The following RTEL1 variants were observed in gnomAD, a reference collection of about 807,000 sequenced individuals.
RTEL1 encodes regulator of telomere elongation helicase 1.
Under a neutral mutation model 162.2 loss-of-function variants are expected in RTEL1, and 86 were observed. The ratio of observed to expected loss-of-function variants is 0.53; its 90% CI spans 0.45 to 0.63. The LOEUF is 0.63. Ranked by LOEUF, RTEL1 falls within the 30% of genes least tolerant of loss-of-function variation. The probability of loss-of-function intolerance (pLI) is 0.00; values close to 1 mark genes in which losing one functional copy is unlikely to be tolerated. For synonymous variants in RTEL1, 958 were observed against 717.9 expected (o/e 1.33, Z -5.35); for missense variants, 1,941 against 1,750.2 (o/e 1.11, Z -1.95).
intron 12 of RTEL1, among the ~76,000 whole-genome samples, chr20:63,678,870 C>G (rs1451910543): frequency 6.7e-6 from 1 of 148,654 alleles, no homozygotes; most frequent in East Asian, 2.0e-4. Flanking sequence ...CAGACTCTCC[C>G]ACGGAACAGC....
In RTEL1 at chr20:63,685,801, A is replaced by G. The variant is rs2145412405; in HGVS notation, c.1277A>G (p.His426Arg). Residue 426 changes from histidine to arginine, a missense_variant, in exon 16 of 35, where the codon CAT becomes CGT. Transcript: ENST00000360203. Reference sequence around the variant, plus strand: ...TCCTGTCCCCTCCAGGTGCACATCCATCCTGATGCTGGTCACCGGAGGACG... The same window carrying G: ...TCCTGTCCCCTCCAGGTGCACATCCGTCCTGATGCTGGTCACCGGAGGACG... ...GALQSYKVHI[H>R]PDAGHRRTAQ... The G allele has an allele frequency of 6.2e-7, 1 of 1,612,374 alleles. No homozygotes were observed. The highest frequency in any genetic ancestry group is 2.2e-5 in the East Asian group (1 of 44,862).
At position 63,687,928 on chromosome 20, in the gene RTEL1, C is replaced by T. The variant is rs1601163130; in HGVS notation, c.1482-9C>T. ...TTCCCCACTGTCTGCTCCCTCTGGC[C>T]ACGCTCAGCCCTTTCCCAGTCTGCC... On this transcript the variant is annotated splice_polypyrimidine_tract_variant and intron_variant, in intron 17 of 34. Transcript: ENST00000360203. 1.2e-6 allele frequency: 2 copies of T among 1,612,014 alleles called. No homozygotes were observed. Among genetic ancestry groups the T allele is most frequent in the Non-Finnish European group, 8.5e-7 (1 of 1,179,316 alleles).
intron 21 of RTEL1, 25 bp from the exon 22 acceptor site, chr20:63,689,030 T>A (rs1568709792): frequency 1.2e-6 from 2 of 1,601,348 alleles, no homozygotes; most frequent in South Asian, 2.2e-5. Flanking sequence ...GGCTCCAGGC[T>A]CAGCCTCACC....
At chr20:63,693,498 TCCACCACCACCTCCTCCACCACCA>T (rs1601187683) in intron 30 of RTEL1, among the ~76,000 whole-genome samples, 37 of 4,390 alleles carry the variant, frequency 8.4e-3, no homozygotes, top group Admixed American at 0.023. Flanking sequence ...CACCTCCACC[TCCACCACCACCTCCTCCACCACCA>T]CCACCTCCAC....
chr20:63,666,809 C>T lies in RTEL1; in HGVS notation c.615-660C>T, dbSNP rs940518447. On this transcript the variant is annotated intron_variant, in intron 7 of 34. Transcript: ENST00000360203. ...CCTCCCAAAGTGCTGGGATTACAGG[C>T]GTGAGACCCCATGCCTGGCCAGCTC... Among the ~76,000 whole-genome samples the T allele has an allele frequency of 9.8e-5, 14 of 143,094 alleles. No individual in the cohort carries two copies. In the East Asian group the frequency reaches 1.7e-3, roughly 18 times the overall value. 93.9% of individuals were successfully genotyped at this position (143,094 alleles called of 152,430 possible).
At chr20:63,690,588 G>C (rs1318328086) in intron 26 of RTEL1, 147 bp downstream of exon 26, 12 of 1,220,030 alleles carry the variant, frequency 9.8e-6, no homozygotes, top group East Asian at 2.6e-5. Flanking sequence ...CTCCCTCCTA[G>C]GGCAGGGCCC....
upstream of RTEL1, chr20:63,657,882 T>G (rs1483903111): frequency 6.6e-6 from 1 of 152,218 alleles, no homozygotes; most frequent in Non-Finnish European, 1.5e-5. Context: ...TGCGGGACAG[T>G]GAGCCGAGCA....
In RTEL1 at chr20:63,693,066, G is replaced by C. The variant is rs371935401; in HGVS notation, c.2851+63G>C. 6.6e-5 allele frequency: 106 copies of C among 1,609,618 alleles called. No individual in the cohort carries two copies. In the South Asian group the frequency reaches 1.1e-3, roughly 17 times the overall value. ...GTGCTGCCGCCGCGTGTGGGGTGGG[G>C]GCCATCTGGGTCCAAGGTGGTCTCT... On this transcript the variant is annotated intron_variant, in intron 29 of 34. Coordinates refer to ENST00000360203, the MANE Select transcript of RTEL1 (RefSeq NM_001283009.2).
Position 63,693,245 on chromosome 20 carries a change from C to G in RTEL1, c.2954C>G (p.Pro985Arg), listed in dbSNP as rs1462195263. Residue 985 changes from proline to arginine, a missense_variant, in exon 30 of 35, where the codon CCC becomes CGC. By Grantham distance (103) the Pro-to-Arg change is moderately radical (BLOSUM62 -2). Transcript: ENST00000360203. ...GGCTATCGGCCTGAGCACAGCATTC[C>G]CCGAAGGCAGCGGGCACAGCCGGTC... is the stretch of plus-strand genomic sequence containing the variant. The part of the protein sequence containing the change: ...GCGYRPEHSI[P>R]RRQRAQPVLD... The G allele has an allele frequency of 1.9e-6, 3 of 1,612,018 alleles. No homozygotes were observed. The highest frequency in any genetic ancestry group is 2.5e-6 in the Non-Finnish European group (3 of 1,179,462).
At position 63,695,208 on chromosome 20, in the gene RTEL1, G is replaced by A. The variant is rs777906008; in HGVS notation, c.3486G>A (p.Arg1162=). Residue 1162 remains arginine (R), a synonymous_variant, in exon 33 of 35, where the codon AGG becomes AGA. Transcript: ENST00000360203. ...CCGTGCCTCCTGTGCTTACCCACAG[G>A]GCTCCCCAACCAGGTAGGGCACCTG... The part of the protein sequence containing the change: ...RLAVPPVLTH[R]APQPGPSRSE... The A allele has an allele frequency of 1.2e-6, 2 of 1,611,930 alleles. No homozygotes were observed. Among genetic ancestry groups the A allele is most frequent in the Non-Finnish European group, 8.5e-7 (1 of 1,179,674 alleles).
At position 63,693,270 on chromosome 20, in the gene RTEL1, C is replaced by T. The variant is rs116365288; in HGVS notation, c.2979C>T (p.Val993=). Residue 993 remains valine, a synonymous_variant, in exon 30 of 35, where the codon GTC becomes GTT. Transcript: ENST00000360203. The stretch of plus-strand genomic sequence containing the variant: ...CCCGAAGGCAGCGGGCACAGCCGGT[C>T]CTGGACCCCACTGGTAAATGGGGCC... ...SIPRRQRAQP[V]LDPTGRTAPD... 3.7e-6 allele frequency: 6 copies of T among 1,611,794 alleles called. No homozygotes were observed. Among genetic ancestry groups the T allele is most frequent in the Non-Finnish European group, 5.1e-6 (6 of 1,179,400 alleles).
In RTEL1 at chr20:63,661,179, C is replaced by T; in HGVS notation, c.103-119C>T. ...GTCCCACAGGGCTCTCGCCACCTGG[C>T]AGTGGCCTCTGCATCTGCAAAGAGC... On this transcript the variant is annotated intron_variant, in intron 2 of 34. Transcript: ENST00000360203. This position sits in a 1 kb window ranked among gnomAD's most constrained non-coding sequence, Gnocchi z 5.1. The T allele has an allele frequency of 1.1e-6, 1 of 870,258 alleles. No individual in the cohort carries two copies. Among genetic ancestry groups the T allele is most frequent in the Non-Finnish European group, 1.8e-6 (1 of 562,618 alleles). The allele number at this position is 870,258 out of a possible 1,614,324, so 53.9% of individuals were successfully genotyped here. A position where few individuals can be genotyped will look rare whatever the true frequency, so the allele number is the denominator to read the frequency against.
chr20:63,670,551 G>A (rs2090219093), intron 8 of RTEL1, among the ~76,000 whole-genome samples: 1 of 152,240 alleles, frequency 6.6e-6, no homozygotes, highest in South Asian at 2.1e-4. Context: ...GGTCCCACTG[G>A]CATGGCTGAA....
chr20:63,694,008 C>G (rs555740135), intron 30 of RTEL1, among the ~76,000 whole-genome samples: 1 of 151,916 alleles, frequency 6.6e-6, no homozygotes, highest in Middle Eastern at 3.4e-3. Flanking sequence ...CATCTGTGTT[C>G]GTGTGTTAAT....
At chr20:63,686,133 C>G in intron 16 of RTEL1, 1 of 560,322 alleles carries the variant, frequency 1.8e-6, no homozygotes, top group East Asian at 3.0e-5. Flanking sequence ...ACAGCCCAGC[C>G]AGGCCTCCCT....
intron 21 of RTEL1, 47 bp downstream of exon 21, chr20:63,688,652 C>G (rs2090651766): frequency 6.5e-7 from 1 of 1,538,992 alleles, no homozygotes; most frequent in Admixed American, 1.9e-5. Context: ...CTCGTGCCTC[C>G]CCTGCCTCTC....
chr20:63,693,468 TC>T (rs2090837711), intron 30 of RTEL1, among the ~76,000 whole-genome samples, 185 bp downstream of exon 30: 9 of 9,762 alleles, frequency 9.2e-4, no homozygotes, highest in East Asian at 1.7e-3. Flanking sequence ...CACCTCCACC[TC>T]CACCTCCACC....
chr20:63,689,618 G>C lies in RTEL1; in HGVS notation c.1995G>C (p.Glu665Asp), dbSNP rs2090677503. 3 of 1,612,284 alleles carry C rather than the reference G, an allele frequency of 1.9e-6. No homozygotes were observed. The highest frequency in any genetic ancestry group is 2.5e-6 in the Non-Finnish European group (3 of 1,179,670). Residue 665 changes from glutamate (E) to aspartate (D), a missense_variant, in exon 23 of 35, where the codon GAG becomes GAC. Glu to Asp is a conservative substitution (Grantham distance 45). Coordinates refer to ENST00000360203, the MANE Select transcript of RTEL1 (RefSeq NM_001283009.2). Reference sequence around the variant, plus strand: ...TCCTCAAGATGCAGTTCCTGGATGAGATGAAGGGCCAGGGTGGGGCTGGGG... The same window carrying C: ...TCCTCAAGATGCAGTTCCTGGATGACATGAAGGGCCAGGGTGGGGCTGGGG... ...RVVLKMQFLD[E>D]MKGQGGAGGQ...
intron 14 of RTEL1, chr20:63,682,738 GC>G: frequency 2.1e-6 from 2 of 966,106 alleles, no homozygotes; most frequent in Non-Finnish European, 2.5e-6. Flanking sequence ...GCAGAGTGGG[GC>G]CAGTGGCCCC....
Sources: gnomAD v4.1 joint callset for allele counts (sites outside exome capture counted in the v4.1 genomes callset) on GRCh38, gnomAD v4.1.1 for gene constraint, Gnocchi (gnomAD v3.1) non-coding constraint, MANE v1.5 for transcripts, NCBI Gene and HGNC (gene_info 2026-07-23, HGNC 2026-07-21) for gene names.